The following MACF1 variants were observed in gnomAD, a reference collection of about 807,000 sequenced individuals.
The protein encoded by MACF1 is microtubule actin crosslinking factor 1.
In MACF1, 193 loss-of-function variants were observed where a neutral mutation model predicts 854.8. That is an observed-to-expected ratio of 0.23 (90% CI 0.20 to 0.25). MACF1 has a LOEUF of 0.25. MACF1 is among the 10% of genes least tolerant of loss of function. MACF1 has a pLI of 1.00. For synonymous variants in MACF1, 3,185 were observed against 3,226.7 expected, an observed-to-expected ratio of 0.99 and a Z score of 0.44; for missense variants, 7,722 against 8,929.1, an observed-to-expected ratio of 0.86 and a Z score of 5.45.
At chr1:39,443,343 G>A (rs1052753240) in intron 78 of MACF1, 103 bp from the exon 79 acceptor site, 84 of 1,312,098 alleles carry the variant, frequency 6.4e-5, no homozygotes, top group Non-Finnish European at 8.1e-5. Flanking sequence ...GAGAGCAGCC[G>A]AAAATTCCTT....
chr1:39,325,191 C>T (rs895675953), intron 35 of MACF1, among the ~76,000 whole-genome samples: 3 of 152,144 alleles, frequency 2.0e-5, no homozygotes, highest in Non-Finnish European at 4.4e-5. Flanking sequence ...CTCAAAAGGG[C>T]TTTTTGGGGC....
Position 39,422,919 on chromosome 1 carries a change from A to G in MACF1, c.16149+19A>G. ...ACAGAAGGTAAGTGAGAATGTTGGG[A>G]CAGTGAACTGTAACAGCCGTAGGGA... On this transcript the variant is annotated intron_variant, in intron 60 of 100. Coordinates refer to ENST00000564288, the MANE Select transcript of MACF1 (RefSeq NM_001394062.1). 6.2e-7 allele frequency: 1 copy of G among 1,611,056 alleles called. No homozygotes were observed. The highest frequency in any genetic ancestry group is 8.5e-7 in the Non-Finnish European group (1 of 1,177,324).
chr1:39,414,191 C>T (rs1176925819), intron 58 of MACF1: 2 of 1,613,262 alleles, frequency 1.2e-6, no homozygotes, highest in Non-Finnish European at 1.7e-6. Flanking sequence ...GCTGCCATCC[C>T]TGCTGCTTCA....
In MACF1 at chr1:39,430,902, A is replaced by G; in HGVS notation, c.17331A>G (p.Ser5777=). The change falls in exon 66 of 101, where the codon TCA becomes TCG. Residue 5777 remains serine, a synonymous_variant. Transcript: ENST00000564288. The stretch of plus-strand genomic sequence containing the variant: ...AAATTGATGCTGCTATTCAGAGATC[A>G]CAACAGGTAATGCTTATAATACCTC... ...VDEIDAAIQR[S]QQYEQAADAE... 1 of 1,611,892 alleles carries G rather than the reference A, an allele frequency of 6.2e-7. No homozygotes were observed. Among genetic ancestry groups the G allele is most frequent in the Non-Finnish European group, 8.5e-7 (1 of 1,179,542 alleles).
intron 58 of MACF1, chr1:39,413,366 C>T: frequency 7.0e-7 from 1 of 1,430,258 alleles, no homozygotes; most frequent in Admixed American, 2.3e-5. Flanking sequence ...GCTGCAGTGC[C>T]CCCCCCAGAG....
chr1:39,407,965 T>C (rs568391222), intron 58 of MACF1, among the ~76,000 whole-genome samples: 3 of 152,220 alleles, frequency 2.0e-5, no homozygotes, highest in Non-Finnish European at 2.9e-5. Flanking sequence ...GGTTGCCCTT[T>C]GTACTTTCTT....
intron 61 of MACF1, among the ~76,000 whole-genome samples, chr1:39,425,065 T>C (rs1643680652): frequency 6.6e-6 from 1 of 152,218 alleles, no homozygotes; most frequent in Non-Finnish European, 1.5e-5. Context: ...TTTGTACTGC[T>C]TATTTTCTTT....
In MACF1 at chr1:39,379,431, C is replaced by T; in HGVS notation, c.13505C>T (p.Ala4502Val). ...AAGACAGAAACAGTGAAAGCCCAAGCTGAATCTAACAAGGTACTGTGTTTA... is the reference window on the plus strand; with the variant it reads ...AAGACAGAAACAGTGAAAGCCCAAGTTGAATCTAACAAGGTACTGTGTTTA... ...PTKTETVKAQ[A>V]ESNKAFLAEL... is the part of the protein sequence containing the mutation. Residue 4502 changes from alanine (A) to valine (V), a missense_variant, in exon 54 of 101, where the codon GCT (alanine) becomes GTT (valine). Physicochemically the swap from Ala to Val is moderately conservative, Grantham distance 64. Transcript: ENST00000564288. The T allele has an allele frequency of 6.2e-7, 1 of 1,613,366 alleles. No individual in the cohort carries two copies. The highest frequency in any genetic ancestry group is 8.5e-7 in the Non-Finnish European group (1 of 1,179,642).
intron 33 of MACF1, among the ~76,000 whole-genome samples, chr1:39,323,784 C>CA (rs1197387511): frequency 1.3e-5 from 2 of 152,224 alleles, no homozygotes; most frequent in South Asian, 4.2e-4. Flanking sequence ...TTTAAATTAG[C>CA]AAGACTTTCT....
chr1:39,190,386 TG>T (rs1644236908), intron 2 of MACF1, among the ~76,000 whole-genome samples: 3 of 126,680 alleles, frequency 2.4e-5, no homozygotes, highest in South Asian at 3.0e-4. Flanking sequence ...TGTGTGTGTG[TG>T]TGTGTTTGTT....
intron 2 of MACF1, among the ~76,000 whole-genome samples, chr1:39,129,388 C>T (rs553006060): frequency 6.6e-6 from 1 of 152,234 alleles, no homozygotes; most frequent in African/African-American, 2.4e-5. Context: ...TGGCGTATTG[C>T]AGAGAGAAGC....
chr1:39,256,892 G>GAA (rs1251607615), intron 5 of MACF1, among the ~76,000 whole-genome samples: 1 of 91,098 alleles, frequency 1.1e-5, no homozygotes, highest in Admixed American at 1.2e-4. Context: ...AGAACCTTAA[G>GAA]AAAAAAAAAA....
chr1:39,409,149 G>T lies in MACF1; in HGVS notation c.15817-13225G>T, dbSNP rs1309448355. Among the ~76,000 whole-genome samples the T allele has an allele frequency of 6.6e-6, 1 of 151,906 alleles. No homozygotes were observed. The highest frequency in any genetic ancestry group is 2.4e-5 in the African/African-American group (1 of 41,380). On this transcript the variant is annotated intron_variant, in intron 58 of 100. Coordinates refer to ENST00000564288, the MANE Select transcript of MACF1 (RefSeq NM_001394062.1). This position sits in a 1 kb window ranked among gnomAD's most constrained non-coding sequence, Gnocchi z 4.2. ...AGGACTCGCCCCCCGCCCGACCCTA[G>T]CGGAGCCTTTTGTTCCCAGCCAGAA...
chr1:39,375,530 T>C (rs1358850253), intron 52 of MACF1, among the ~76,000 whole-genome samples: 1 of 152,212 alleles, frequency 6.6e-6, no homozygotes, highest in Admixed American at 6.5e-5. Context: ...CTCAATCTCC[T>C]GACCTTGTGA....
intron 2 of MACF1, among the ~76,000 whole-genome samples, chr1:39,120,609 G>A (rs1053626743): frequency 2.6e-5 from 4 of 152,194 alleles, no homozygotes; most frequent in Admixed American, 2.0e-4. Context: ...TGATCTGCCC[G>A]CCTTGGCCTC....
At chr1:39,187,213 A>G (rs1308295468) in intron 2 of MACF1, among the ~76,000 whole-genome samples, 1 of 152,002 alleles carries the variant, frequency 6.6e-6, no homozygotes, top group Non-Finnish European at 1.5e-5. Context: ...TCCTTTTTGG[A>G]CCAACTTTTA....
chr1:39,477,066 T>TACACACAC (rs1380193699), intron 97 of MACF1, among the ~76,000 whole-genome samples: 12 of 17,114 alleles, frequency 7.0e-4, no homozygotes, highest in South Asian at 3.1e-3. Flanking sequence ...TATATATATA[T>TACACACAC]ATATATATAT....
Position 39,317,242 on chromosome 1 carries a change from A to T in MACF1, c.3617A>T (p.Asn1206Ile). The change falls in exon 29 of 101, where the codon AAT becomes ATT. Residue 1206 changes from asparagine to isoleucine, a missense_variant. Asn to Ile is a moderately radical substitution (Grantham distance 149, BLOSUM62 -3). Around this residue, in one of 15 missense-constraint regions of MACF1, gnomAD observed 1,137 missense variants for 1,263.0 expected, o/e 0.90. Coordinates refer to ENST00000564288, the MANE Select transcript of MACF1 (RefSeq NM_001394062.1). ...TGGCTTAGTGATGTGAAGGACAAGA[A>T]TTCAGTGTTTTCAGTCCTGGATGAG... Reference protein sequence around the residue: ...RHWLSDVKDKNSVFSVLDEEI... With the variant: ...RHWLSDVKDKISVFSVLDEEI... The T allele has an allele frequency of 6.2e-7, 1 of 1,614,054 alleles. No homozygotes were observed. The highest frequency in any genetic ancestry group is 1.7e-4 in the Middle Eastern group (1 of 6,048).
At chr1:39,382,742 ATATCT>A (rs1650349730) in intron 56 of MACF1, among the ~76,000 whole-genome samples, 1 of 135,804 alleles carries the variant, frequency 7.4e-6, no homozygotes. Flanking sequence ...ACATTACTTA[ATATCT>A]TATATCTGCC....
Sources: gnomAD v4.1 joint callset for allele counts (sites outside exome capture counted in the v4.1 genomes callset) on GRCh38, gnomAD v4.1.1 for gene constraint, gnomAD v4.1.1 regional missense constraint, Gnocchi (gnomAD v3.1) non-coding constraint, MANE v1.5 for transcripts, NCBI Gene and HGNC (gene_info 2026-07-23, HGNC 2026-07-21) for gene names.